Variants in PCNX2 observed in about 807,000 individuals in gnomAD.
The protein encoded by PCNX2 is pecanex 2.
In PCNX2, 168 loss-of-function variants were observed where a neutral mutation model predicts 223.8. The observed-to-expected ratio is 0.75, with a 90% CI of 0.66 to 0.85. The LOEUF is 0.85. Among genes scored for constraint, PCNX2 ranks in the 40% least tolerant of loss-of-function variants. The pLI is 0.00. For missense variants in PCNX2, 2,507 were observed against 2,675.5 expected (o/e 0.94, Z 1.39); for synonymous variants, 1,006 against 1,052.6 (o/e 0.96, Z 0.86).
intron 1 of PCNX2, among the ~76,000 whole-genome samples, chr1:233,286,989 C>A (rs1443009339): frequency 2.6e-5 from 4 of 152,184 alleles, no homozygotes; most frequent in African/African-American, 9.7e-5. Context: ...TGCTAAAAGC[C>A]ATCATAAAAT....
At position 233,242,004 on chromosome 1, in the gene PCNX2, T is replaced by C. The variant is rs150847232; in HGVS notation, c.2223-5024A>G. 2.8e-3 allele frequency among the ~76,000 whole-genome samples: 427 copies of C among 152,226 alleles called. 2 individuals carry two copies. Among genetic ancestry groups the C allele is most frequent in the African/African-American group, 0.01 (416 of 41,522 alleles). ...TAAACATTGTGGCTTTAGAGGACTT[T>C]CCTGAAAGTTAATCCCAATAAGTAA... On this transcript the variant is annotated intron_variant, in intron 8 of 33. Transcript: ENST00000258229.
At chr1:233,035,763 G>A (rs549866937) in intron 25 of PCNX2, among the ~76,000 whole-genome samples, 228 of 152,282 alleles carry the variant, frequency 1.5e-3, no homozygotes, top group Non-Finnish European at 2.8e-3. Context: ...CTACAAAAAG[G>A]AGACCATCAG....
At chr1:233,187,917 G>A (rs1395999072) in intron 15 of PCNX2, among the ~76,000 whole-genome samples, 1 of 152,154 alleles carries the variant, frequency 6.6e-6, no homozygotes, top group Non-Finnish European at 1.5e-5. Flanking sequence ...ATAAGTAAAA[G>A]TGAGTTAAAA....
At position 233,245,867 on chromosome 1, in the gene PCNX2, G is replaced by T. The variant is rs192898112; in HGVS notation, c.2222+4872C>A. Among the ~76,000 whole-genome samples the T allele has an allele frequency of 5.4e-3, 819 of 152,312 alleles. 8 individuals carry two copies. Among genetic ancestry groups the T allele is most frequent in the African/African-American group, 0.019 (785 of 41,556 alleles). On this transcript the variant is annotated intron_variant, in intron 8 of 33. Coordinates refer to ENST00000258229, the MANE Select transcript of PCNX2 (RefSeq NM_014801.4). ...GGAGGCAGAGGTTGCAGTGAGCCCA[G>T]ATCGCGCCACTGCACTCCAGACTGG...
Position 233,218,414 on chromosome 1 carries a change from A to G in PCNX2, c.2505-230T>C, listed in dbSNP as rs559785851. On this transcript the variant is annotated intron_variant, in intron 10 of 33. Coordinates refer to ENST00000258229, the MANE Select transcript of PCNX2 (RefSeq NM_014801.4). ...CAGGCACCCGCCACCAAGCCCGGCT[A>G]ATTTTTTTATTTTTTTTAGTAGAGA... Among the ~76,000 whole-genome samples the G allele has an allele frequency of 1.1e-4, 14 of 126,328 alleles. No homozygotes were observed. The South Asian group carries it at 3.2e-3, about 29-fold the overall frequency. 82.9% of individuals were successfully genotyped at this position (126,328 alleles called of 152,430 possible). A position where few individuals can be genotyped will look rare whatever the true frequency, so the allele number is the denominator to read the frequency against.
chr1:233,001,764 A>C lies in PCNX2; in HGVS notation c.4953-83T>G, dbSNP rs1670097533. The C allele has an allele frequency of 1.8e-5, 23 of 1,272,060 alleles. No individual in the cohort carries two copies. Among genetic ancestry groups the C allele is most frequent in the Non-Finnish European group, 2.4e-5 (23 of 967,726 alleles). 78.8% of individuals were successfully genotyped at this position (1,272,060 alleles called of 1,614,324 possible). A position where few individuals can be genotyped will look rare whatever the true frequency, so the allele number is the denominator to read the frequency against. ...AAAGTTTGAGTCTCCCATTTGTCTA[A>C]GAATTATCTTAACATTTAGGCTGAT... On this transcript the variant is annotated intron_variant, in intron 28 of 33. Coordinates refer to ENST00000258229, the MANE Select transcript of PCNX2 (RefSeq NM_014801.4). This position sits in a 1 kb window ranked among gnomAD's most constrained non-coding sequence, Gnocchi z 4.2.
At chr1:233,215,985 A>G (rs969944189) in intron 12 of PCNX2, among the ~76,000 whole-genome samples, 5 of 152,258 alleles carry the variant, frequency 3.3e-5, no homozygotes, top group Non-Finnish European at 7.3e-5. Context: ...TTTCTTAATT[A>G]CTATGAGCTA....
At chr1:233,221,147 T>C (rs1657352242) in intron 10 of PCNX2, among the ~76,000 whole-genome samples, 1 of 152,054 alleles carries the variant, frequency 6.6e-6, no homozygotes, top group Non-Finnish European at 1.5e-5. Context: ...CATAGAAATA[T>C]ATAGAAAGGC....
rs772214197 is a variant in PCNX2, at chr1:233,259,117, C to T, written c.745G>A (p.Asp249Asn). Residue 249 changes from aspartate (D) to asparagine (N), a missense_variant, in exon 5 of 34, where the codon GAT becomes AAT. Transcript: ENST00000258229. ...GGCAACTTCTTCAAGGGTCCCTTAT[C>T]CACTAAGCCACCCTCGGATCTGTGG... ...LRHRSEGGLV[D>N]KGPLKKLPHL... 1.2e-6 allele frequency: 2 copies of T among 1,614,004 alleles called. No homozygotes were observed. The highest frequency in any genetic ancestry group is 1.7e-6 in the Non-Finnish European group (2 of 1,179,886).
In PCNX2 at chr1:233,017,026, A is replaced by C; in HGVS notation, c.4734T>G (p.Ile1578Met). The C allele has an allele frequency of 6.2e-7, 1 of 1,614,016 alleles. No homozygotes were observed. Among genetic ancestry groups the C allele is most frequent in the South Asian group, 1.1e-5 (1 of 91,088 alleles). Residue 1578 changes from isoleucine to methionine, a missense_variant, in exon 27 of 34, where the codon ATT becomes ATG. Transcript: ENST00000258229. ...ACGGGACGTAGTCATCATCAATGTT[A>C]ATGTTGAACATTGCAAGGTCACGCT... Reference protein sequence around the residue: ...YIERDLAMFNINIDDDYVPCL... With the variant: ...YIERDLAMFNMNIDDDYVPCL...
intron 21 of PCNX2, among the ~76,000 whole-genome samples, chr1:233,118,446 C>T (rs1305724368): frequency 7.0e-6 from 1 of 142,516 alleles, no homozygotes; most frequent in Non-Finnish European, 1.5e-5. Context: ...TGATCCTTAC[C>T]TACAGATAGC....
intron 17 of PCNX2, among the ~76,000 whole-genome samples, chr1:233,168,312 G>T (rs973171459): frequency 6.6e-6 from 1 of 152,018 alleles, no homozygotes; most frequent in African/African-American, 2.4e-5. Context: ...TGTGTTTTCT[G>T]AGCCAGTATT....
chr1:233,221,056 C>T (rs1407030164), intron 10 of PCNX2, among the ~76,000 whole-genome samples: 1 of 152,124 alleles, frequency 6.6e-6, no homozygotes, highest in Non-Finnish European at 1.5e-5. Context: ...GGACAACAGC[C>T]AGAAGGAAAA....
chr1:233,016,708 C>A, intron 27 of PCNX2: 1 of 915,446 alleles, frequency 1.1e-6, no homozygotes, highest in Non-Finnish European at 1.3e-6. Flanking sequence ...ATAAAGGGAT[C>A]TATATCTTTA....
chr1:233,015,828 C>T (rs955746555), intron 27 of PCNX2, among the ~76,000 whole-genome samples: 1 of 151,724 alleles, frequency 6.6e-6, no homozygotes, highest in African/African-American at 2.4e-5. Context: ...AAGCTATGAT[C>T]ATTCTGCTGC....
chr1:233,032,503 G>C (rs1338091035), intron 25 of PCNX2, among the ~76,000 whole-genome samples: 2 of 152,072 alleles, frequency 1.3e-5, no homozygotes, highest in East Asian at 3.9e-4. Context: ...TCAAAAATGT[G>C]AGTTTCATTC....
intron 28 of PCNX2, among the ~76,000 whole-genome samples, chr1:233,008,160 G>A (rs2102807690): frequency 6.6e-6 from 1 of 152,284 alleles, no homozygotes; most frequent in South Asian, 2.1e-4. Flanking sequence ...TATTAATACT[G>A]CTTTCATGAA....
intron 21 of PCNX2, among the ~76,000 whole-genome samples, chr1:233,122,591 T>C (rs916990643): frequency 1.3e-5 from 2 of 151,968 alleles, no homozygotes; most frequent in Non-Finnish European, 2.9e-5. Flanking sequence ...TGGCATGATC[T>C]TGGCTCACTG....
At chr1:233,068,196 C>A (rs907997066) in intron 23 of PCNX2, among the ~76,000 whole-genome samples, 1 of 151,976 alleles carries the variant, frequency 6.6e-6, no homozygotes, top group African/African-American at 2.4e-5. Flanking sequence ...TAATTGTCAG[C>A]CTAGATTCCT....
Sources: gnomAD v4.1 joint callset for allele counts (sites outside exome capture counted in the v4.1 genomes callset) on GRCh38, gnomAD v4.1.1 for gene constraint, Gnocchi (gnomAD v3.1) non-coding constraint, MANE v1.5 for transcripts, NCBI Gene and HGNC (gene_info 2026-07-23, HGNC 2026-07-21) for gene names.